Variants in POLD1 observed in about 807,000 individuals in gnomAD.
POLD1 encodes DNA polymerase delta 1, catalytic subunit, also known as DNA polymerase delta catalytic subunit.
POLD1 carries 79 observed loss-of-function variants against 129.7 expected under a neutral mutation model. The ratio of observed to expected loss-of-function variants is 0.61; its 90% CI spans 0.51 to 0.73. The LOEUF is 0.73. Among genes scored for constraint, POLD1 ranks in the 30% least tolerant of loss-of-function variants. The pLI, the probability that POLD1 is intolerant of heterozygous loss-of-function variation, is 0.00. For missense variants in POLD1, 1,338 were observed against 1,595.8 expected (o/e 0.84, Z 2.75); for synonymous variants, 714 against 683.3 (o/e 1.04, Z -0.70).
chr19:50,417,994 T>A lies in POLD1; in HGVS notation c.*47T>A. 1 of 1,184,076 alleles carries A rather than the reference T, an allele frequency of 8.4e-7. No individual in the cohort carries two copies. Among genetic ancestry groups the A allele is most frequent in the Non-Finnish European group, 1.2e-6 (1 of 807,038 alleles). 73.3% of individuals were successfully genotyped at this position (1,184,076 alleles called of 1,614,324 possible). On this transcript the variant is annotated 3_prime_UTR_variant, in exon 27 of 27. Transcript: ENST00000440232. The stretch of plus-strand genomic sequence containing the variant: ...CGGGGGCGGGACCAGGGAGAATTAA[T>A]AAAGTTCTGGACTTTTGCTATATGG...
At chr19:50,395,074 C>G (rs1309801494) in intron 1 of POLD1, 1 of 150,322 alleles carries the variant, frequency 6.7e-6, no homozygotes, top group African/African-American at 2.5e-5. Context: ...AACAACTGAC[C>G]TCAAGTGATC....
intron 3 of POLD1, among the ~76,000 whole-genome samples, chr19:50,399,980 A>G (rs1366527034): frequency 6.6e-6 from 1 of 151,314 alleles, no homozygotes; most frequent in Non-Finnish European, 1.5e-5. Context: ...ATGCCTGGCT[A>G]ATTTTTGTAT....
intron 10 of POLD1, among the ~76,000 whole-genome samples, chr19:50,404,004 G>GT (rs1161017965): frequency 6.6e-6 from 1 of 152,172 alleles, no homozygotes; most frequent in Non-Finnish European, 1.5e-5. Flanking sequence ...GTCTGCATGT[G>GT]TGTAAGGGTG....
intron 24 of POLD1, 137 bp from the exon 25 acceptor site, chr19:50,416,908 G>T (rs961193169): frequency 1.3e-5 from 14 of 1,101,446 alleles, no homozygotes; most frequent in Non-Finnish European, 1.8e-5. Context: ...TTCCCCAGGG[G>T]AGTTTTCCCA....
chr19:50,411,264 G>T (rs2039078537), intron 17 of POLD1, among the ~76,000 whole-genome samples: 1 of 152,194 alleles, frequency 6.6e-6, no homozygotes. Context: ...ATCGCTCACT[G>T]CATGCTCCCA....
intron 13 of POLD1, 40 bp downstream of exon 13, chr19:50,407,214 C>A (rs1213716955): frequency 6.4e-7 from 1 of 1,569,838 alleles, no homozygotes; most frequent in Non-Finnish European, 8.7e-7. Flanking sequence ...CCCCACCAGG[C>A]ACGTCTGTGG....
rs769560485 is a variant in POLD1, at chr19:50,417,972, G to T, written c.*25G>T. 7 of 1,394,916 alleles carry T rather than the reference G, an allele frequency of 5.0e-6. No individual in the cohort carries two copies. The highest frequency in any genetic ancestry group is 7.1e-6 in the Non-Finnish European group (7 of 988,496). 86.4% of individuals were successfully genotyped at this position (1,394,916 alleles called of 1,614,324 possible). On this transcript the variant is annotated 3_prime_UTR_variant, in exon 27 of 27. Transcript: ENST00000440232. Reference sequence around the variant, plus strand: ...ACCTTGCAAGCATCCCATGGGGCGGGGGCGGGACCAGGGAGAATTAATAAA... The same window carrying T: ...ACCTTGCAAGCATCCCATGGGGCGGTGGCGGGACCAGGGAGAATTAATAAA...
chr19:50,385,850 TC>T (rs140064866), intron 1 of POLD1, among the ~76,000 whole-genome samples: 2,677 of 151,004 alleles, frequency 0.018, 71 homozygotes, highest in African/African-American at 0.059. Flanking sequence ...TTCCTGCACT[TC>T]CCCCCCACAG....
intron 1 of POLD1, among the ~76,000 whole-genome samples, chr19:50,392,793 A>G (rs550896484): frequency 3.9e-5 from 6 of 152,340 alleles, no homozygotes; most frequent in African/African-American, 1.4e-4. Context: ...TTTCTTAATG[A>G]CTAGAATCAG....
intron 3 of POLD1, 58 bp downstream of exon 3, chr19:50,399,542 G>A (rs2038506354): frequency 2.3e-6 from 3 of 1,323,640 alleles, no homozygotes; most frequent in Admixed American, 1.7e-5. Context: ...GCAGAGGCCG[G>A]GCCAGGTCAG....
chr19:50,407,908 C>T (rs1601222956), intron 14 of POLD1, among the ~76,000 whole-genome samples: 2 of 150,930 alleles, frequency 1.3e-5, no homozygotes, highest in South Asian at 4.3e-4. Context: ...CGTGGTGGTG[C>T]ATGCCTGTAA....
At chr19:50,393,967 T>G (rs2038254652) in intron 1 of POLD1, 1 of 152,228 alleles carries the variant, frequency 6.6e-6, no homozygotes, top group African/African-American at 2.4e-5. Context: ...TTTCCATGCT[T>G]ATTTCAGGTC....
chr19:50,404,261 T>TC (rs776539337), intron 10 of POLD1, among the ~76,000 whole-genome samples: 1 of 147,030 alleles, frequency 6.8e-6, no homozygotes, highest in Non-Finnish European at 1.5e-5. Flanking sequence ...CCACATGTCC[T>TC]CCCTTTTTTT....
chr19:50,400,699 C>CT (rs78107518), intron 3 of POLD1, among the ~76,000 whole-genome samples: 368 of 136,952 alleles, frequency 2.7e-3, no homozygotes, highest in African/African-American at 3.0e-3. Flanking sequence ...GTCTGGCTAA[C>CT]TTTTTTTTTT....
Position 50,406,637 on chromosome 19 carries a change from A to G in POLD1, c.1494+120A>G, listed in dbSNP as rs1453955174. 2.7e-6 allele frequency: 2 copies of G among 747,718 alleles called. No individual in the cohort carries two copies. Among genetic ancestry groups the G allele is most frequent in the African/African-American group, 1.7e-5 (1 of 57,708 alleles). The allele number at this position is 747,718 out of a possible 1,614,324, so 46.3% of individuals were successfully genotyped here. ...CCTCACTCTTTGACCTGCTGTTATGACCTGTGACCTTACCTGACGCCCACT... is the reference window on the plus strand; with the variant it reads ...CCTCACTCTTTGACCTGCTGTTATGGCCTGTGACCTTACCTGACGCCCACT... On this transcript the variant is annotated intron_variant, in intron 12 of 26. Transcript: ENST00000440232. This position sits in a 1 kb window ranked among gnomAD's most constrained non-coding sequence, Gnocchi z 5.5.
intron 10 of POLD1, 36 bp downstream of exon 10, chr19:50,403,633 G>A: frequency 7.2e-7 from 1 of 1,392,524 alleles, no homozygotes. Flanking sequence ...TCTCTCAGAT[G>A]CCCCAGGTGT....
chr19:50,402,530 G>T lies in POLD1; in HGVS notation c.835G>T (p.Glu279Ter), dbSNP rs1269288029. ...PAGKYALRLK[E>*]KATQCQLEAD... ...TGGGAAATACGCCCTGAGGCTGAAGGAGAAGGTGCAGGGCTTCCCAGGGCA... is the reference window on the plus strand; with the variant it reads ...TGGGAAATACGCCCTGAGGCTGAAGTAGAAGGTGCAGGGCTTCCCAGGGCA... The change falls in exon 7 of 27, where the codon GAG becomes TAG. Residue 279 changes from glutamate to a stop codon, truncating the protein, a stop_gained. Coordinates refer to ENST00000440232, the MANE Select transcript of POLD1 (RefSeq NM_002691.4). LOFTEE classifies it high-confidence loss of function. 6.3e-7 allele frequency: 1 copy of T among 1,599,982 alleles called. No homozygotes were observed. Among genetic ancestry groups the T allele is most frequent in the Non-Finnish European group, 8.5e-7 (1 of 1,173,558 alleles).
intron 15 of POLD1, 74 bp downstream of exon 15, chr19:50,408,975 G>A: frequency 1.4e-6 from 2 of 1,473,968 alleles, no homozygotes; most frequent in Non-Finnish European, 1.9e-6. Flanking sequence ...GTCTGGTGGG[G>A]GGCATAGGCA....
chr19:50,403,118 G>C lies in POLD1; in HGVS notation c.1036G>C (p.Glu346Gln). Residue 346 changes from glutamate (E) to glutamine (Q), a missense_variant, in exon 9 of 27, where the codon GAG (glutamate) becomes CAG (glutamine). This residue lies in a region of POLD1 where 720 missense variants were observed against 1,002.6 expected (regional missense o/e 0.72). Transcript: ENST00000440232. Reference sequence around the variant, plus strand: ...CTGCTCGCTGGGCCTGCGCTGGGGGGAGCCGGAGCCCTTCCTACGCCTGGC... The same window carrying C: ...CTGCTCGCTGGGCCTGCGCTGGGGGCAGCCGGAGCCCTTCCTACGCCTGGC... The part of the protein sequence containing the change: ...QICSLGLRWG[E>Q]PEPFLRLALT... The C allele has an allele frequency of 6.4e-7, 1 of 1,563,468 alleles. No individual in the cohort carries two copies. Among genetic ancestry groups the C allele is most frequent in the Non-Finnish European group, 8.7e-7 (1 of 1,153,466 alleles).
Sources: gnomAD v4.1 joint callset for allele counts (sites outside exome capture counted in the v4.1 genomes callset) on GRCh38, gnomAD v4.1.1 for gene constraint, gnomAD v4.1.1 regional missense constraint, Gnocchi (gnomAD v3.1) non-coding constraint, MANE v1.5 for transcripts, NCBI Gene and HGNC (gene_info 2026-07-23, HGNC 2026-07-21) for gene names.